ITGAV: variants seen among roughly 807,000 people sequenced by gnomAD.
The protein encoded by ITGAV is integrin subunit alpha V, also known as integrin alpha-V.
In ITGAV, 76 loss-of-function variants were observed where a neutral mutation model predicts 143.8. That is an observed-to-expected ratio of 0.53 (90% CI 0.44 to 0.64). The LOEUF (loss-of-function observed/expected upper bound fraction) is 0.64. Ranked by LOEUF, ITGAV falls within the 30% of genes least tolerant of loss-of-function variation. The probability of loss-of-function intolerance (pLI) is 0.00; values close to 1 mark genes in which losing one functional copy is unlikely to be tolerated. For synonymous variants in ITGAV, 453 were observed against 446.7 expected (o/e 1.01, Z -0.18); for missense variants, 1,193 against 1,274.7 (o/e 0.94, Z 0.98).
Position 186,669,729 on chromosome 2 carries a change from A to G in ITGAV, c.2621A>G (p.Asn874Ser). The change falls in exon 26 of 30, where the codon AAT (asparagine) becomes AGT (serine). Residue 874 changes from asparagine to serine, a missense_variant. By Grantham distance (46) the Asn-to-Ser change is conservative. Transcript: ENST00000261023. ...KISSLQTTEK[N>S]DTVAGQGERD... ...TCATCTTTGCAAACAACTGAAAAGA[A>G]TGACACGGTTGCCGGGCAAGGTGAG... 2 of 1,614,096 alleles carry G rather than the reference A, an allele frequency of 1.2e-6. No individual in the cohort carries two copies. The highest frequency in any genetic ancestry group is 2.2e-5 in the East Asian group (1 of 44,872).
At chr2:186,598,136 C>A (rs1000092883) in intron 1 of ITGAV, among the ~76,000 whole-genome samples, 3 of 151,858 alleles carry the variant, frequency 2.0e-5, no homozygotes, top group African/African-American at 7.3e-5. Flanking sequence ...AGATATTGAC[C>A]CTCAAAAGCA....
chr2:186,604,040 A>G (rs1686988575), intron 2 of ITGAV, among the ~76,000 whole-genome samples: 1 of 145,592 alleles, frequency 6.9e-6, no homozygotes. Flanking sequence ...GTTTTTATGT[A>G]TTTTTTTTTT....
intron 14 of ITGAV, 57 bp from the exon 15 acceptor site, chr2:186,651,925 A>G (rs1688442372): frequency 9.8e-7 from 1 of 1,020,514 alleles, no homozygotes; most frequent in Non-Finnish European, 1.5e-6. Context: ...AAATATTTCA[A>G]TCAACCTAAC....
At chr2:186,654,811 AT>A (rs1688539615) in intron 16 of ITGAV, 103 bp downstream of exon 16, 3 of 560,496 alleles carry the variant, frequency 5.4e-6, no homozygotes, top group African/African-American at 3.8e-5. Context: ...TGTTATTATA[AT>A]TTTTTATTTG....
At chr2:186,663,038 G>C (rs1015318345) in intron 18 of ITGAV, among the ~76,000 whole-genome samples, 4 of 151,790 alleles carry the variant, frequency 2.6e-5, no homozygotes, top group African/African-American at 7.3e-5. Context: ...ATCCTATCCA[G>C]CTCCTCTGCT....
rs56249746 is a variant in ITGAV at position 186,656,987 on chromosome 2, AACACACACACAC to A, written c.1719+612_1719+623del. 3.8e-4 allele frequency among the ~76,000 whole-genome samples: 53 copies of A among 139,426 alleles called. 1 individual carries two copies. Among genetic ancestry groups the A allele is most frequent in the Admixed American group, 1.7e-3 (23 of 13,588 alleles). 91.5% of individuals were successfully genotyped at this position (139,426 alleles called of 152,430 possible). A position where few individuals can be genotyped will look rare whatever the true frequency, so the allele number is the denominator to read the frequency against. On this transcript the variant is annotated intron_variant, in intron 17 of 29. Coordinates refer to ENST00000261023, the MANE Select transcript of ITGAV (RefSeq NM_002210.5). The stretch of plus-strand genomic sequence containing the variant: ...AGTTTGATCAAATATGAATTCATTA[AACACACACACAC>A]ACACACACACACACACACACACACA...
chr2:186,646,899 G>A, intron 13 of ITGAV, 22 bp downstream of exon 13: 2 of 1,511,470 alleles, frequency 1.3e-6, no homozygotes, highest in Non-Finnish European at 1.8e-6. Context: ...TCAACACATA[G>A]AGCCCTTAGA....
rs200368244 is a variant in ITGAV, at chr2:186,622,349, T to G, written c.327T>G (p.Asp109Glu). 5.5e-5 allele frequency: 88 copies of G among 1,611,074 alleles called. 1 individual carries two copies. The South Asian group carries it at 9.3e-4, about 17-fold the overall frequency. ...AATATTCTTTTTTAGGCAATAGAGA[T>G]TATGCCAAGGATGATCCATTGGAAT... ...PIEFDATGNRDYAKDDPLEFK... is the reference protein window; with the variant it reads ...PIEFDATGNREYAKDDPLEFK... Residue 109 changes from aspartate to glutamate, a missense_variant, in exon 3 of 30, where the codon GAT (aspartate) becomes GAG (glutamate). By Grantham distance (45) the Asp-to-Glu change is conservative. Transcript: ENST00000261023.
rs1272240907 is a variant in ITGAV, at chr2:186,656,449, G to A, written c.1719+48G>A. On this transcript the variant is annotated intron_variant, in intron 17 of 29. Coordinates refer to ENST00000261023, the MANE Select transcript of ITGAV (RefSeq NM_002210.5). The stretch of plus-strand genomic sequence containing the variant: ...CCTTGTTGTTCCTTTTTAGTCATTA[G>A]TTTTTTATCTAAATGATTTTCACTT... The A allele has an allele frequency of 2.3e-6, 3 of 1,302,418 alleles. No homozygotes were observed. The Admixed American group carries it at 8.9e-5, about 39-fold the overall frequency. The allele number at this position is 1,302,418 out of a possible 1,614,324, so 80.7% of individuals were successfully genotyped here. A position where few individuals can be genotyped will look rare whatever the true frequency, so the allele number is the denominator to read the frequency against.
chr2:186,636,839 A>G (rs536226176), intron 7 of ITGAV, among the ~76,000 whole-genome samples: 1 of 152,348 alleles, frequency 6.6e-6, no homozygotes, highest in South Asian at 2.1e-4. Context: ...TGTAAAGTTA[A>G]TAAGACAATT....
chr2:186,672,069 A>G (rs1689081096), intron 26 of ITGAV, among the ~76,000 whole-genome samples: 1 of 150,560 alleles, frequency 6.6e-6, no homozygotes, highest in Non-Finnish European at 1.5e-5. Context: ...CTCCTGCCTC[A>G]GCCTCCCGAG....
At chr2:186,593,903 T>A (rs528716362) in intron 1 of ITGAV, among the ~76,000 whole-genome samples, 1 of 152,326 alleles carries the variant, frequency 6.6e-6, no homozygotes, top group South Asian at 2.1e-4. Flanking sequence ...TTAAAATTCA[T>A]TCTTCAAATA....
chr2:186,679,690 A>C lies in ITGAV; in HGVS notation c.*2398A>C, dbSNP rs2105759853. ...GATATTAAAAACATTTGACATTGGT[A>C]AGAAATATTGATACTGATATTGATT... On this transcript the variant is annotated 3_prime_UTR_variant, in exon 30 of 30. Transcript: ENST00000261023. 1 of 152,146 alleles carries C rather than the reference A, an allele frequency of 6.6e-6. No homozygotes were observed. The highest frequency in any genetic ancestry group is 1.9e-4 in the East Asian group (1 of 5,192). 9.4% of individuals were successfully genotyped at this position (152,146 alleles called of 1,614,324 possible). A position where few individuals can be genotyped will look rare whatever the true frequency, so the allele number is the denominator to read the frequency against.
chr2:186,669,171 G>T (rs1688993919), intron 25 of ITGAV, among the ~76,000 whole-genome samples: 1 of 152,152 alleles, frequency 6.6e-6, no homozygotes, highest in Non-Finnish European at 1.5e-5. Flanking sequence ...GTCCTTCAGT[G>T]ACTCAGTTTG....
At chr2:186,674,129 C>T (rs1290421651) in intron 26 of ITGAV, among the ~76,000 whole-genome samples, 1 of 151,998 alleles carries the variant, frequency 6.6e-6, no homozygotes, top group African/African-American at 2.4e-5. Context: ...GCACCCACCA[C>T]ACCTGGCTAA....
chr2:186,630,882 T>G, intron 5 of ITGAV, 24 bp downstream of exon 5: 7 of 1,325,790 alleles, frequency 5.3e-6, no homozygotes, highest in South Asian at 1.2e-5. Flanking sequence ...TAAGACTGAA[T>G]GAGATTCACA....
chr2:186,649,308 C>T (rs1688359989), intron 13 of ITGAV, among the ~76,000 whole-genome samples: 1 of 151,212 alleles, frequency 6.6e-6, no homozygotes, highest in Non-Finnish European at 1.5e-5. Context: ...GAAAAGACTT[C>T]CTCAAATTTA....
At chr2:186,645,043 G>A (rs1013314008) in intron 12 of ITGAV, among the ~76,000 whole-genome samples, 4 of 152,142 alleles carry the variant, frequency 2.6e-5, no homozygotes, top group Non-Finnish European at 4.4e-5. Flanking sequence ...GGCAAGATAC[G>A]ACATGTCCTT....
chr2:186,672,003 G>A (rs971333085), intron 26 of ITGAV, among the ~76,000 whole-genome samples: 6 of 148,366 alleles, frequency 4.0e-5, no homozygotes, highest in Non-Finnish European at 7.4e-5. Context: ...CCAGGCTGGA[G>A]TCCAGTGGCG....
Sources: allele counts gnomAD v4.1 joint callset (sites outside exome capture counted in the v4.1 genomes callset), GRCh38; gene constraint gnomAD v4.1.1; transcripts MANE v1.5; gene names NCBI Gene and HGNC (gene_info 2026-07-23, HGNC 2026-07-21).